SH3GL3: variants seen among roughly 807,000 people sequenced by gnomAD.
SH3GL3 encodes SH3 domain containing GRB2 like 3, endophilin A3.
In SH3GL3, 33 loss-of-function variants were observed where a neutral mutation model predicts 47.7. That is an observed-to-expected ratio of 0.69 (90% CI 0.52 to 0.92). The LOEUF (loss-of-function observed/expected upper bound fraction) is 0.92, where lower values mean the gene tolerates loss of function less well. Ranked by LOEUF, SH3GL3 falls within the 40% of genes least tolerant of loss-of-function variation. The probability of loss-of-function intolerance (pLI) is 0.00; values close to 1 mark genes in which losing one functional copy is unlikely to be tolerated. For synonymous variants in SH3GL3, 155 were observed against 148.8 expected (o/e 1.04, Z -0.30); for missense variants, 363 against 417.8 (o/e 0.87, Z 1.14).
intron 1 of SH3GL3, among the ~76,000 whole-genome samples, chr15:83,479,331 A>ATGTG (rs149147202): frequency 7.1e-4 from 106 of 149,572 alleles, no homozygotes; most frequent in African/African-American, 1.9e-3. Flanking sequence ...GAGCGTGTGC[A>ATGTG]TGTGTGTGTG....
chr15:83,618,446 G>A lies in SH3GL3; in HGVS notation c.*159G>A. 1 of 581,336 alleles carries A rather than the reference G, an allele frequency of 1.7e-6. No homozygotes were observed. Among genetic ancestry groups the A allele is most frequent in the South Asian group, 2.3e-5 (1 of 44,210 alleles). The allele number at this position is 581,336 out of a possible 1,614,324, so 36.0% of individuals were successfully genotyped here. ...AATGTATTTTATATCACTTTAATTT[G>A]TATAAATGATTTTCTTGTCCTTGCT... On this transcript the variant is annotated 3_prime_UTR_variant, in exon 9 of 9. Transcript: ENST00000427482.
intron 1 of SH3GL3, among the ~76,000 whole-genome samples, chr15:83,464,728 G>A (rs11633764): frequency 0.2 from 30,591 of 151,764 alleles, 3,434 homozygotes; most frequent in South Asian, 0.45. Flanking sequence ...AAATACAACC[G>A]TTTGCTTTTC....
chr15:83,566,030 G>T (rs1349327959), intron 3 of SH3GL3: 4 of 152,180 alleles, frequency 2.6e-5, no homozygotes, highest in Non-Finnish European at 5.9e-5. Flanking sequence ...GGCCACATCA[G>T]TGATTGAAAT....
At chr15:83,590,979 T>C (rs748222900) in intron 8 of SH3GL3, among the ~76,000 whole-genome samples, 13 of 152,212 alleles carry the variant, frequency 8.5e-5, no homozygotes, top group Non-Finnish European at 1.6e-4. Context: ...AGGAATTCTT[T>C]GCCTAGCCCT....
At chr15:83,632,119 C>T in the SH3GL3 span, among the ~76,000 whole-genome samples, 5 of 152,174 alleles carry the variant, frequency 3.3e-5, no homozygotes, top group Non-Finnish European at 7.3e-5. Context: ...ATTTCAGTGC[C>T]CAAAAAGTTT....
At chr15:83,471,723 G>T (rs979760119) in intron 1 of SH3GL3, among the ~76,000 whole-genome samples, 2 of 152,182 alleles carry the variant, frequency 1.3e-5, no homozygotes, top group African/African-American at 4.8e-5. Context: ...TTTGTCTACA[G>T]TGTTTCATTT....
chr15:83,572,039 GCTTT>G (rs2045844470), intron 4 of SH3GL3, among the ~76,000 whole-genome samples: 1 of 152,154 alleles, frequency 6.6e-6, no homozygotes, highest in Admixed American at 6.5e-5. Context: ...ACACTGGCAG[GCTTT>G]CTTTGACATC....
chr15:83,594,590 C>G (rs1162579431), intron 8 of SH3GL3, among the ~76,000 whole-genome samples: 2 of 152,164 alleles, frequency 1.3e-5, no homozygotes, highest in African/African-American at 4.8e-5. Flanking sequence ...TGCATTTAGT[C>G]CTCACATCTC....
At chr15:83,494,834 G>C (rs931537941) in intron 1 of SH3GL3, among the ~76,000 whole-genome samples, 1 of 152,028 alleles carries the variant, frequency 6.6e-6, no homozygotes, top group Non-Finnish European at 1.5e-5. Context: ...GTGACCCACC[G>C]CACCTGGCCG....
At chr15:83,459,972 G>A (rs1268862945) in intron 1 of SH3GL3, among the ~76,000 whole-genome samples, 2 of 117,372 alleles carry the variant, frequency 1.7e-5, no homozygotes, top group Non-Finnish European at 1.7e-5. Flanking sequence ...CTGTTATTGT[G>A]ACCTTCCCTT....
intron 1 of SH3GL3, among the ~76,000 whole-genome samples, chr15:83,546,972 C>T (rs1037053032): frequency 2.0e-5 from 3 of 152,182 alleles, no homozygotes; most frequent in Admixed American, 2.0e-4. Flanking sequence ...GAACTGTGAG[C>T]CGCATTGCCT....
In SH3GL3 at chr15:83,607,894, C is replaced by CA. The variant is rs200787866; in HGVS notation, c.839-10180dup. Reference sequence around the variant, plus strand: ...ATAATAATAATACAAACAACAACAACAAAAAAAACAACCCACACACATTGG... The same window carrying CA: ...ATAATAATAATACAAACAACAACAACAAAAAAAAACAACCCACACACATTGG... On this transcript the variant is annotated intron_variant, in intron 8 of 8. Coordinates refer to ENST00000427482, the MANE Select transcript of SH3GL3 (RefSeq NM_003027.5). 8.6e-3 allele frequency among the ~76,000 whole-genome samples: 1,283 copies of CA among 148,452 alleles called. 13 individuals are homozygous for CA. The highest frequency in any genetic ancestry group is 0.029 in the African/African-American group (1,194 of 40,736).
In SH3GL3 at chr15:83,449,633, T is replaced by C. The variant is rs1482237801; in HGVS notation, c.45+2055T>C. 2.0e-5 allele frequency among the ~76,000 whole-genome samples: 3 copies of C among 152,168 alleles called. No individual in the cohort carries two copies. The East Asian group carries it at 5.8e-4, about 29-fold the overall frequency. The stretch of plus-strand genomic sequence containing the variant: ...GGAAGTTATTGGCACTGGAGAAATA[T>C]TTTGCTAGTCATGGGTAGTTTGGTT... On this transcript the variant is annotated intron_variant, in intron 1 of 8. Transcript: ENST00000427482.
intron 2 of SH3GL3, 66 bp from the exon 3 acceptor site, chr15:83,565,065 CTCT>C: frequency 1.6e-6 from 1 of 638,724 alleles, no homozygotes; most frequent in Non-Finnish European, 2.7e-6. Context: ...AAAATTCCTC[CTCT>C]ATTTGCTCTT....
chr15:83,590,495 A>G (rs2151811150), intron 8 of SH3GL3, among the ~76,000 whole-genome samples: 1 of 152,308 alleles, frequency 6.6e-6, no homozygotes, highest in African/African-American at 2.4e-5. Flanking sequence ...AAATTCCCAA[A>G]CTATCTTTCA....
chr15:83,501,580 C>G (rs988114483), intron 1 of SH3GL3, among the ~76,000 whole-genome samples: 1 of 152,124 alleles, frequency 6.6e-6, no homozygotes, highest in Non-Finnish European at 1.5e-5. Context: ...ATGAGAAAAC[C>G]CTTCTTGCCT....
downstream of SH3GL3, among the ~76,000 whole-genome samples, chr15:83,620,386 C>A (rs544123756): frequency 1.3e-5 from 2 of 152,292 alleles, no homozygotes; most frequent in East Asian, 3.9e-4. Flanking sequence ...TAGCTGTAGC[C>A]TTACAAGATG....
chr15:83,480,896 T>C (rs542566663), intron 1 of SH3GL3, among the ~76,000 whole-genome samples: 2 of 152,216 alleles, frequency 1.3e-5, no homozygotes, highest in South Asian at 4.2e-4. Context: ...CCTGGAACCA[T>C]TCCCCCATGG....
At chr15:83,562,030 AACACACACACACACACACACACAC>A (rs55856428) in intron 2 of SH3GL3, among the ~76,000 whole-genome samples, 6 of 132,980 alleles carry the variant, frequency 4.5e-5, no homozygotes, top group East Asian at 2.3e-4. Flanking sequence ...ACACACACAC[AACACACACACACACACACACACAC>A]ACACACACAC....
Sources: gnomAD v4.1 joint callset for allele counts (sites outside exome capture counted in the v4.1 genomes callset) on GRCh38, gnomAD v4.1.1 for gene constraint, MANE v1.5 for transcripts, NCBI Gene and HGNC (gene_info 2026-07-23, HGNC 2026-07-21) for gene names.